The following DMD variants were observed in gnomAD, a reference collection of about 807,000 sequenced individuals.
DMD encodes mutant dystrophin.
DMD carries 63 observed loss-of-function variants against 330.1 expected under a neutral mutation model. The ratio of observed to expected loss-of-function variants is 0.19; its 90% CI spans 0.16 to 0.24. The LOEUF (loss-of-function observed/expected upper bound fraction) is 0.24. Among genes scored for constraint, DMD ranks in the 10% least tolerant of loss-of-function variants. The pLI, the probability that DMD is intolerant of heterozygous loss-of-function variation, is 1.00. For missense variants in DMD, 3,344 were observed against 2,684.1 expected (o/e 1.25, Z -5.43); for synonymous variants, 1,223 against 959.8 (o/e 1.27, Z -5.07).
At chrX:31,885,611 C>CA (rs762289533) in intron 47 of DMD, among the ~76,000 whole-genome samples, 1,679 of 52,196 alleles carry the variant, frequency 0.032, 83 homozygotes, top group African/African-American at 0.057. Flanking sequence ...CTCCGTCTCA[C>CA]AAAAAAAAAA....
intron 15 of DMD, among the ~76,000 whole-genome samples, chrX:32,573,196 T>A (rs2052625666): frequency 8.9e-6 from 1 of 112,034 alleles, no homozygotes; most frequent in Admixed American, 9.5e-5. Flanking sequence ...ATTCTGAGAA[T>A]CAACGTCAGT....
At chrX:32,585,965 T>C (rs932511358) in intron 13 of DMD, among the ~76,000 whole-genome samples, 1 of 110,479 alleles carries the variant, frequency 9.1e-6, no homozygotes, top group African/African-American at 3.3e-5. Flanking sequence ...AGACCGTGTA[T>C]TAACATAAAT....
chrX:31,668,539 G>A (rs889095277), intron 53 of DMD, among the ~76,000 whole-genome samples: 12 of 110,517 alleles, frequency 1.1e-4, no homozygotes, highest in African/African-American at 3.9e-4. Context: ...TCTGATATAT[G>A]TATACACTGT....
Position 32,238,734 on chromosome X carries a change from T to C in DMD, c.6291-21671A>G, listed in dbSNP as rs1276374166. Among the ~76,000 whole-genome samples, 5 of 112,075 alleles carry C rather than the reference T, an allele frequency of 4.5e-5. No homozygotes were observed. In the East Asian group the frequency reaches 1.4e-3, roughly 32 times the overall value. On this transcript the variant is annotated intron_variant, in intron 43 of 78. Transcript: ENST00000357033. ...GTTTAAAGGAAGTGTTCCTTTCTGC[T>C]ATTTTCCATGGCTATTGCTGAAAAG...
At chrX:33,251,642 T>A (rs2064265) in intron 1 of DMD, among the ~76,000 whole-genome samples, 20,308 of 111,363 alleles carry the variant, frequency 0.18, 2,950 homozygotes, top group African/African-American at 0.5. Context: ...TATATGACCA[T>A]CAGTGTTATA....
At chrX:31,982,753 T>A (rs901278325) in intron 44 of DMD, among the ~76,000 whole-genome samples, 1 of 108,602 alleles carries the variant, frequency 9.2e-6, no homozygotes, top group Admixed American at 9.9e-5. Context: ...TATTTAAATA[T>A]GATATTTTAA....
At chrX:31,180,617 T>TA (rs1242182747) in intron 68 of DMD, 136 bp from the exon 69 acceptor site, 2 of 524,124 alleles carry the variant, frequency 3.8e-6, no homozygotes, top group Non-Finnish European at 6.7e-6. Flanking sequence ...AGGTAAGTGA[T>TA]TAACTTTCTG....
intron 55 of DMD, among the ~76,000 whole-genome samples, chrX:31,583,014 A>G (rs2076409319): frequency 8.9e-6 from 1 of 112,120 alleles, no homozygotes; most frequent in Non-Finnish European, 1.9e-5. Flanking sequence ...GGGACATGCT[A>G]ATGTTAAAAT....
At chrX:33,126,193 T>C (rs984285151) in intron 1 of DMD, among the ~76,000 whole-genome samples, 5 of 112,231 alleles carry the variant, frequency 4.5e-5, no homozygotes, top group Admixed American at 9.5e-5. Context: ...TTTAATATTT[T>C]ATTCAATATT....
At position 32,518,134 on chromosome X, in the gene DMD, A is replaced by G. The variant is rs2046041745; in HGVS notation, c.2169-3T>C. 8.3e-7 allele frequency: 1 copy of G among 1,204,300 alleles called. No individual in the cohort carries two copies. Among genetic ancestry groups the G allele is most frequent in the Admixed American group, 2.2e-5 (1 of 45,570 alleles). On this transcript the variant is annotated splice_polypyrimidine_tract_variant and splice_region_variant and intron_variant, in intron 17 of 78. Transcript: ENST00000357033. The stretch of plus-strand genomic sequence containing the variant: ...GTTCAGTTATATCAACATCCAACCT[A>G]AGACAGCAAAAAATAAAAGTCATTA...
At chrX:31,649,413 C>T (rs1002038080) in intron 54 of DMD, among the ~76,000 whole-genome samples, 1 of 110,956 alleles carries the variant, frequency 9.0e-6, no homozygotes, top group Non-Finnish European at 1.9e-5. Context: ...GTGTGCAATC[C>T]CTGCAAGCTA....
At chrX:32,607,938 A>C (rs16990503) in intron 12 of DMD, among the ~76,000 whole-genome samples, 19,481 of 108,974 alleles carry the variant, frequency 0.18, 4,318 homozygotes, top group African/African-American at 0.61. Context: ...TCCTTTAAAC[A>C]CCATTGGAGA....
rs2052632951 is a variant in DMD, at chrX:33,244,287, G to A, written c.7+94972C>T. Among the ~76,000 whole-genome samples the A allele has an allele frequency of 1.8e-5, 2 of 111,501 alleles. 1 individual carries two copies. The highest frequency in any genetic ancestry group is 6.5e-5 in the African/African-American group (2 of 30,729). ...CTGGTATAGACAGCTGATTATATAAGTTGGATCTTATTAATAAGTGAGAAA... is the reference window on the plus strand; with the variant it reads ...CTGGTATAGACAGCTGATTATATAAATTGGATCTTATTAATAAGTGAGAAA... On this transcript the variant is annotated intron_variant, in intron 1 of 17. Transcript: ENST00000288447.
At chrX:32,555,389 G>A (rs1380292668) in intron 16 of DMD, among the ~76,000 whole-genome samples, 2 of 111,688 alleles carry the variant, frequency 1.8e-5, no homozygotes, top group African/African-American at 6.5e-5. Flanking sequence ...CCAAGATAAG[G>A]ATGCCATCTC....
At chrX:32,694,277 T>C (rs1390754021) in intron 9 of DMD, among the ~76,000 whole-genome samples, 1 of 111,812 alleles carries the variant, frequency 8.9e-6, no homozygotes, top group Non-Finnish European at 1.9e-5. Context: ...ATAACATCTA[T>C]GTGTTGACTT....
chrX:32,832,696 C>T (rs775803464), intron 4 of DMD, among the ~76,000 whole-genome samples: 1 of 111,922 alleles, frequency 8.9e-6, no homozygotes, highest in Non-Finnish European at 1.9e-5. Flanking sequence ...TGTGCTTTTA[C>T]ACCACATTTA....
intron 19 of DMD, among the ~76,000 whole-genome samples, chrX:32,500,594 G>A: frequency 9.0e-6 from 1 of 111,490 alleles, no homozygotes. Flanking sequence ...ACAACTAGGA[G>A]AATATTTTTA....
chrX:32,027,183 C>CACACACAGAGAG (rs774715155), intron 44 of DMD, among the ~76,000 whole-genome samples: 125 of 97,522 alleles, frequency 1.3e-3, no homozygotes, highest in African/African-American at 3.6e-3. Context: ...CACACACACA[C>CACACACAGAGAG]AGAGAGAGAG....
intron 59 of DMD, among the ~76,000 whole-genome samples, chrX:31,445,876 C>T (rs1371385109): frequency 1.8e-5 from 2 of 112,047 alleles, no homozygotes; most frequent in Non-Finnish European, 3.8e-5. Context: ...CCAAATGTTC[C>T]AATAAGCAAT....
Sources: gnomAD v4.1 joint callset for allele counts (sites outside exome capture counted in the v4.1 genomes callset) on GRCh38, gnomAD v4.1.1 for gene constraint, MANE v1.5 for transcripts, NCBI Gene and HGNC (gene_info 2026-07-23, HGNC 2026-07-21) for gene names.